Variants in NCK2 observed in about 807,000 individuals in gnomAD.
NCK2 encodes cytoplasmic protein NCK2.
A neutral mutation model predicts 33.9 loss-of-function variants in NCK2; 16 were observed. The observed-to-expected ratio is 0.47, with a 90% CI of 0.32 to 0.72. The LOEUF is 0.72. NCK2 is among the 30% of genes least tolerant of loss of function. The pLI, the probability that NCK2 is intolerant of heterozygous loss-of-function variation, is 0.03. For synonymous variants in NCK2, 273 were observed against 239.9 expected (o/e 1.14, Z -1.27); for missense variants, 418 against 537.3 (o/e 0.78, Z 2.19).
chr2:105,818,494 A>G (rs181586083), intron 2 of NCK2, among the ~76,000 whole-genome samples: 17 of 152,166 alleles, frequency 1.1e-4, no homozygotes, highest in Non-Finnish European at 2.1e-4. Flanking sequence ...ACATCTTACT[A>G]TCAGCTTATA....
intron 2 of NCK2, among the ~76,000 whole-genome samples, chr2:105,844,782 A>G (rs1164621167): frequency 2.0e-5 from 3 of 146,422 alleles, no homozygotes; most frequent in African/African-American, 7.5e-5. Flanking sequence ...ATGTATGTAT[A>G]TATGTATATA....
chr2:105,751,529 A>G (rs1309757551), intron 1 of NCK2, among the ~76,000 whole-genome samples: 1 of 152,060 alleles, frequency 6.6e-6, no homozygotes, highest in Non-Finnish European at 1.5e-5. Flanking sequence ...CCAGCATCTA[A>G]ATATCCCCTT....
chr2:105,755,937 A>G (rs1264889463), intron 1 of NCK2, among the ~76,000 whole-genome samples: 1 of 152,234 alleles, frequency 6.6e-6, no homozygotes, highest in Non-Finnish European at 1.5e-5. Context: ...TAAACTCCTC[A>G]GGGGAGAGAG....
chr2:105,877,698 A>T (rs183939125), intron 3 of NCK2, among the ~76,000 whole-genome samples: 3 of 152,164 alleles, frequency 2.0e-5, no homozygotes, highest in Non-Finnish European at 4.4e-5. Flanking sequence ...TTCATTTCCT[A>T]TAGAAATCAT....
rs368999483 is a variant in NCK2 at position 105,855,306 on chromosome 2, C to G, written c.226+17C>G. The G allele has an allele frequency of 1.1e-4, 167 of 1,558,438 alleles. No homozygotes were observed. The highest frequency in any genetic ancestry group is 1.4e-4 in the Non-Finnish European group (160 of 1,142,042). On this transcript the variant is annotated intron_variant, in intron 3 of 4. Transcript: ENST00000233154. ...ACACACTAGGTGAGTGTTTCACCCT[C>G]GAGAGAGGAAGCCTTGTGCATTTCA...
intron 2 of NCK2, among the ~76,000 whole-genome samples, chr2:105,821,707 T>G (rs1180623412): frequency 6.6e-6 from 1 of 152,002 alleles, no homozygotes; most frequent in Non-Finnish European, 1.5e-5. Flanking sequence ...GCTTGTATAT[T>G]ATCTCTAGTC....
At chr2:105,886,626 T>C (rs1351776698) in intron 4 of NCK2, among the ~76,000 whole-genome samples, 1 of 152,222 alleles carries the variant, frequency 6.6e-6, no homozygotes, top group East Asian at 1.9e-4. Context: ...TTGCATACTG[T>C]TGTGTAATAT....
intron 3 of NCK2, among the ~76,000 whole-genome samples, chr2:105,864,602 T>G (rs116020455): frequency 3.1e-3 from 470 of 152,186 alleles, no homozygotes; most frequent in African/African-American, 0.011. Context: ...CATACTTCTT[T>G]ATGTCAGTGA....
At chr2:105,879,556 T>C (rs190386194) in intron 3 of NCK2, among the ~76,000 whole-genome samples, 2 of 152,408 alleles carry the variant, frequency 1.3e-5, no homozygotes, top group Admixed American at 1.3e-4. Context: ...ACTCTTGTGT[T>C]TCCCATGCAC....
chr2:105,889,896 T>C (rs1042493888), intron 4 of NCK2, among the ~76,000 whole-genome samples: 2 of 152,184 alleles, frequency 1.3e-5, no homozygotes, highest in African/African-American at 2.4e-5. Context: ...CTTGAGAATA[T>C]GCTTCCTAAC....
intron 3 of NCK2, among the ~76,000 whole-genome samples, chr2:105,873,948 AC>A (rs1211232776): frequency 1.3e-5 from 2 of 152,122 alleles, no homozygotes; most frequent in Admixed American, 6.5e-5. Flanking sequence ...GAGTGCCCTG[AC>A]CACACAGATA....
At chr2:105,782,225 C>T (rs889557343) in intron 1 of NCK2, among the ~76,000 whole-genome samples, 4 of 152,290 alleles carry the variant, frequency 2.6e-5, no homozygotes, top group South Asian at 2.1e-4. Flanking sequence ...TGTAGGCAGG[C>T]GGGGTGGCCG....
chr2:105,784,676 C>T (rs568043791), intron 1 of NCK2, among the ~76,000 whole-genome samples: 22 of 152,338 alleles, frequency 1.4e-4, no homozygotes, highest in Admixed American at 1.2e-3. Context: ...ATAAAAGATT[C>T]TCATTTAGTC....
At chr2:105,853,557 C>G (rs1375171525) in intron 2 of NCK2, among the ~76,000 whole-genome samples, 2 of 152,198 alleles carry the variant, frequency 1.3e-5, no homozygotes, top group Non-Finnish European at 2.9e-5. Context: ...CCTCTTGCCC[C>G]AGGCAAGCAC....
chr2:105,835,411 A>ATATATATGTATATATATATATACG (rs1676386054), intron 2 of NCK2, among the ~76,000 whole-genome samples: 1 of 121,930 alleles, frequency 8.2e-6, no homozygotes, highest in Non-Finnish European at 1.7e-5. Flanking sequence ...ATATACGTGT[A>ATATATATGTATATATATATATACG]TATATATATA....
chr2:105,773,550 T>A (rs527992429), intron 1 of NCK2, among the ~76,000 whole-genome samples: 1 of 152,262 alleles, frequency 6.6e-6, no homozygotes, highest in Admixed American at 6.5e-5. Context: ...TCATACTTCA[T>A]GTCTTTCCTT....
intron 1 of NCK2, among the ~76,000 whole-genome samples, chr2:105,752,308 C>T (rs569077948): frequency 2.0e-5 from 3 of 152,226 alleles, no homozygotes; most frequent in African/African-American, 4.8e-5. Flanking sequence ...AAGGTGTAAC[C>T]TTTTTAAATA....
At chr2:105,853,264 T>TAG (rs1308033927) in intron 2 of NCK2, among the ~76,000 whole-genome samples, 122 of 152,334 alleles carry the variant, frequency 8.0e-4, no homozygotes, top group African/African-American at 2.8e-3. Context: ...ACCTAAGAAG[T>TAG]AGAGAGTTGC....
In NCK2 at chr2:105,874,438, C is replaced by T. The variant is rs145570181; in HGVS notation, c.227-6890C>T. Reference sequence around the variant, plus strand: ...CTGACTTTAATAATAGGTTCTGACTCTAGTGGGGGAAACCCCCACAGATCA... The same window carrying T: ...CTGACTTTAATAATAGGTTCTGACTTTAGTGGGGGAAACCCCCACAGATCA... On this transcript the variant is annotated intron_variant, in intron 3 of 4. Coordinates refer to ENST00000233154, the MANE Select transcript of NCK2 (RefSeq NM_003581.5). 5.7e-3 allele frequency among the ~76,000 whole-genome samples: 865 copies of T among 152,342 alleles called. 2 individuals carry two copies. The highest frequency in any genetic ancestry group is 8.5e-3 in the Non-Finnish European group (578 of 68,034).
Sources: allele counts gnomAD v4.1 joint callset (sites outside exome capture counted in the v4.1 genomes callset), GRCh38; gene constraint gnomAD v4.1.1; transcripts MANE v1.5; gene names NCBI Gene and HGNC (gene_info 2026-07-23, HGNC 2026-07-21).